Variants in ST6GALNAC5 observed in about 807,000 individuals in gnomAD.
ST6GALNAC5 encodes the protein alpha-N-acetylgalactosaminide alpha-2,6-sialyltransferase 5.
ST6GALNAC5 carries 27 observed loss-of-function variants against 33.6 expected under a neutral mutation model. The observed-to-expected ratio is 0.80, with a 90% CI of 0.59 to 1.11. ST6GALNAC5 has a LOEUF of 1.11. Ranked by LOEUF, ST6GALNAC5 falls within the 50% of genes least tolerant of loss-of-function variation. The pLI, the probability that ST6GALNAC5 is intolerant of heterozygous loss-of-function variation, is 0.00. For missense variants in ST6GALNAC5, 428 were observed against 454.0 expected (o/e 0.94, Z 0.52); for synonymous variants, 194 against 171.2 (o/e 1.13, Z -1.04).
At chr1:77,019,075 A>T (rs1252004894) in intron 2 of ST6GALNAC5, among the ~76,000 whole-genome samples, 6 of 152,184 alleles carry the variant, frequency 3.9e-5, no homozygotes, top group African/African-American at 1.4e-4. Flanking sequence ...AGGGAAAAAG[A>T]TTCTATCTTG....
At chr1:77,055,068 T>C (rs1652346164) in intron 4 of ST6GALNAC5, among the ~76,000 whole-genome samples, 1 of 151,826 alleles carries the variant, frequency 6.6e-6, no homozygotes, top group South Asian at 2.1e-4. Flanking sequence ...GTCTTCTTCC[T>C]CTCCAAACAT....
intron 2 of ST6GALNAC5, among the ~76,000 whole-genome samples, chr1:76,893,991 T>G (rs1654069548): frequency 6.6e-6 from 1 of 152,156 alleles, no homozygotes; most frequent in South Asian, 2.1e-4. Context: ...CAGGTTTTCT[T>G]TAACCCTGAG....
chr1:76,897,529 G>T (rs897524083), intron 2 of ST6GALNAC5, among the ~76,000 whole-genome samples: 2 of 152,126 alleles, frequency 1.3e-5, no homozygotes, highest in African/African-American at 4.8e-5. Flanking sequence ...CATTAATCGG[G>T]GTAAAGGTGG....
At chr1:76,999,014 A>C (rs1315888574) in intron 2 of ST6GALNAC5, among the ~76,000 whole-genome samples, 1 of 152,176 alleles carries the variant, frequency 6.6e-6, no homozygotes, top group Admixed American at 6.5e-5. Flanking sequence ...GTAAACTTAC[A>C]CAGCTGGCTC....
At chr1:77,053,426 T>G (rs1435514004) in intron 4 of ST6GALNAC5, among the ~76,000 whole-genome samples, 1 of 152,184 alleles carries the variant, frequency 6.6e-6, no homozygotes, top group East Asian at 1.9e-4. Context: ...TTTACTCTCC[T>G]GGCATATGGC....
intron 4 of ST6GALNAC5, among the ~76,000 whole-genome samples, chr1:77,057,466 T>C (rs1195337211): frequency 6.6e-6 from 1 of 152,152 alleles, no homozygotes; most frequent in Admixed American, 6.5e-5. Flanking sequence ...TATGCTAAGC[T>C]TGATGAGGAA....
At chr1:77,015,756 G>A (rs1237452416) in intron 2 of ST6GALNAC5, among the ~76,000 whole-genome samples, 1 of 152,030 alleles carries the variant, frequency 6.6e-6, no homozygotes, top group Non-Finnish European at 1.5e-5. Flanking sequence ...GAACAAGCAG[G>A]AGTGAACCAG....
chr1:76,946,081 T>C (rs1647507253), intron 2 of ST6GALNAC5, among the ~76,000 whole-genome samples: 1 of 152,098 alleles, frequency 6.6e-6, no homozygotes, highest in Admixed American at 6.6e-5. Context: ...AACATCAAAA[T>C]TATCCAGTGA....
At chr1:77,059,412 A>G (rs933731802) in intron 4 of ST6GALNAC5, among the ~76,000 whole-genome samples, 1 of 152,166 alleles carries the variant, frequency 6.6e-6, no homozygotes, top group Non-Finnish European at 1.5e-5. Flanking sequence ...TATTTCATAG[A>G]ATGTCCTTCA....
At chr1:77,006,996 G>A (rs889749731) in intron 2 of ST6GALNAC5, among the ~76,000 whole-genome samples, 1 of 152,134 alleles carries the variant, frequency 6.6e-6, no homozygotes, top group East Asian at 1.9e-4. Flanking sequence ...GGGTGGCAGG[G>A]TCCCAAGAAC....
chr1:77,044,967 T>C (rs900649502), intron 3 of ST6GALNAC5, among the ~76,000 whole-genome samples: 1 of 152,252 alleles, frequency 6.6e-6, no homozygotes, highest in Non-Finnish European at 1.5e-5. Context: ...GGGTTTATTT[T>C]TTCCCATTCA....
Position 77,063,407 on chromosome 1 carries a change from T to A in ST6GALNAC5, c.*201T>A, listed in dbSNP as rs1463645744. On this transcript the variant is annotated 3_prime_UTR_variant, in exon 5 of 5. Transcript: ENST00000477717. ...AAATTCCGGAATTAATGCATCCTAA[T>A]GAATGTTGTCCCCTTCAATGGTGTT... is the stretch of plus-strand genomic sequence containing the variant. 1.7e-6 allele frequency: 1 copy of A among 584,080 alleles called. No individual in the cohort carries two copies. The highest frequency in any genetic ancestry group is 3.1e-6 in the Non-Finnish European group (1 of 326,912). The allele number at this position is 584,080 out of a possible 1,614,324, so 36.2% of individuals were successfully genotyped here. A position where few individuals can be genotyped will look rare whatever the true frequency, so the allele number is the denominator to read the frequency against.
At chr1:76,913,166 C>T (rs1646931779) in intron 2 of ST6GALNAC5, among the ~76,000 whole-genome samples, 1 of 151,278 alleles carries the variant, frequency 6.6e-6, no homozygotes, top group Non-Finnish European at 1.5e-5. Flanking sequence ...TTTATTTCTC[C>T]TTCACTTATG....
intron 2 of ST6GALNAC5, among the ~76,000 whole-genome samples, chr1:77,007,163 C>T (rs2100419281): frequency 6.6e-6 from 1 of 152,318 alleles, no homozygotes; most frequent in Non-Finnish European, 1.5e-5. Context: ...AGAAAAAGAG[C>T]TGAGACCATT....
chr1:77,027,988 C>T (rs959372123), intron 2 of ST6GALNAC5, among the ~76,000 whole-genome samples: 1 of 152,140 alleles, frequency 6.6e-6, no homozygotes, highest in African/African-American at 2.4e-5. Context: ...TCACATCAGC[C>T]CCGAGTGCAA....
intron 2 of ST6GALNAC5, among the ~76,000 whole-genome samples, chr1:76,897,426 G>A (rs1646755147): frequency 6.6e-6 from 1 of 152,168 alleles, no homozygotes; most frequent in Non-Finnish European, 1.5e-5. Context: ...GGAATTGTAA[G>A]GAGAGTTTAT....
intron 2 of ST6GALNAC5, among the ~76,000 whole-genome samples, chr1:77,020,576 T>C (rs1651015771): frequency 6.6e-6 from 1 of 152,052 alleles, no homozygotes; most frequent in African/African-American, 2.4e-5. Context: ...AATTTTTGTA[T>C]TTCTTTTAGA....
chr1:76,931,007 T>A (rs984424497), intron 2 of ST6GALNAC5, among the ~76,000 whole-genome samples: 22 of 152,038 alleles, frequency 1.4e-4, no homozygotes, highest in African/African-American at 5.3e-4. Flanking sequence ...GCAAAGGGGA[T>A]GGAATATTCA....
intron 2 of ST6GALNAC5, among the ~76,000 whole-genome samples, chr1:76,898,357 C>T (rs1646778749): frequency 6.6e-6 from 1 of 152,190 alleles, no homozygotes; most frequent in Admixed American, 6.5e-5. Context: ...GGAATTGCAA[C>T]TCAGAAATAC....
Sources: gnomAD v4.1 joint callset for allele counts (sites outside exome capture counted in the v4.1 genomes callset) on GRCh38, gnomAD v4.1.1 for gene constraint, MANE v1.5 for transcripts, NCBI Gene and HGNC (gene_info 2026-07-23, HGNC 2026-07-21) for gene names.